Variants in MTHFD1L observed in about 807,000 individuals in gnomAD.
MTHFD1L encodes the protein methylenetetrahydrofolate dehydrogenase (NADP+ dependent) 1 like.
Under a neutral mutation model 119.5 loss-of-function variants are expected in MTHFD1L, and 81 were observed. That is an observed-to-expected ratio of 0.68 (90% CI 0.57 to 0.82). The LOEUF (loss-of-function observed/expected upper bound fraction) is 0.82. Ranked by LOEUF, MTHFD1L falls within the 40% of genes least tolerant of loss-of-function variation. The probability of loss-of-function intolerance (pLI) is 0.00; values close to 1 mark genes in which losing one functional copy is unlikely to be tolerated. For missense variants in MTHFD1L, 1,125 were observed against 1,253.4 expected (o/e 0.90, Z 1.55); for synonymous variants, 430 against 475.2 (o/e 0.90, Z 1.24).
chr6:151,036,986 T>A lies in MTHFD1L; in HGVS notation c.2716T>A (p.Cys906Ser). Residue 906 changes from cysteine (C) to serine (S), a missense_variant, in exon 26 of 28, where the codon TGC becomes AGC. Cys to Ser is a moderately radical substitution (Grantham distance 112). This residue lies in a region of MTHFD1L where 6 missense variants were observed against 23.3 expected (regional missense o/e 0.26). Coordinates refer to ENST00000367321, the MANE Select transcript of MTHFD1L (RefSeq NM_015440.5). ...TQQGFGNLPI[C>S]MAKTHLSLSH... ...ACAGGGTTTTGGAAATTTGCCCATC[T>A]GCATGGCAAAGACCCACCTTTCTCT... The A allele has an allele frequency of 3.7e-6, 6 of 1,612,026 alleles. No individual in the cohort carries two copies. Among genetic ancestry groups the A allele is most frequent in the Non-Finnish European group, 4.2e-6 (5 of 1,179,854 alleles).
chr6:151,013,859 T>G, intron 22 of MTHFD1L, 39 bp downstream of exon 22: 2 of 1,561,026 alleles, frequency 1.3e-6, no homozygotes, highest in Non-Finnish European at 8.8e-7. Flanking sequence ...GAAGAATCTC[T>G]TAAATCCAGT....
intron 26 of MTHFD1L, among the ~76,000 whole-genome samples, chr6:151,038,534 C>A (rs370617702): frequency 6.6e-6 from 1 of 151,980 alleles, no homozygotes; most frequent in Admixed American, 6.6e-5. Flanking sequence ...TGGGGAGCCA[C>A]GGTAGGGTGG....
At chr6:151,051,697 G>A (rs549154855) in intron 26 of MTHFD1L, among the ~76,000 whole-genome samples, 2 of 152,228 alleles carry the variant, frequency 1.3e-5, no homozygotes, top group Non-Finnish European at 2.9e-5. Context: ...TAAACACCTG[G>A]AGAATTAAAG....
intron 27 of MTHFD1L, 75 bp from the exon 28 acceptor site, chr6:151,101,451 A>T (rs1795363101): frequency 6.6e-6 from 1 of 152,484 alleles, no homozygotes; most frequent in Admixed American, 6.6e-5. Flanking sequence ...GAGCTATAAC[A>T]TGTTAACGGT....
At chr6:151,045,251 C>T (rs1787815595) in intron 26 of MTHFD1L, among the ~76,000 whole-genome samples, 2 of 152,090 alleles carry the variant, frequency 1.3e-5, no homozygotes, top group Non-Finnish European at 2.9e-5. Flanking sequence ...AACATTCACC[C>T]CCCCGCCAAG....
rs1478781661 is a variant in MTHFD1L at position 151,014,920 on chromosome 6, A to G, written c.2348A>G (p.Lys783Arg). Residue 783 changes from lysine (K) to arginine (R), a missense_variant, in exon 23 of 28, where the codon AAG becomes AGG. This residue lies in a region of MTHFD1L where 1,058 missense variants were observed against 1,151.2 expected (regional missense o/e 0.92). Transcript: ENST00000367321. ...LVADGCCNLQ[K>R]QIQITQLFGV... Reference sequence around the variant, plus strand: ...GCAGACGGCTGCTGTAACCTCCAGAAGCAAATTCAGATCACTCAGCTCTTT... The same window carrying G: ...GCAGACGGCTGCTGTAACCTCCAGAGGCAAATTCAGATCACTCAGCTCTTT... The G allele has an allele frequency of 1.9e-6, 3 of 1,614,172 alleles. No individual in the cohort carries two copies. The highest frequency in any genetic ancestry group is 2.5e-6 in the Non-Finnish European group (3 of 1,180,022).
intron 1 of MTHFD1L, among the ~76,000 whole-genome samples, chr6:150,874,202 A>G (rs183314023): frequency 2.6e-5 from 4 of 152,328 alleles, no homozygotes; most frequent in Admixed American, 6.5e-5. Context: ...CCATATGGTC[A>G]CATTTATTCA....
chr6:150,893,128 G>A (rs761436919), intron 7 of MTHFD1L, among the ~76,000 whole-genome samples: 15 of 152,100 alleles, frequency 9.9e-5, no homozygotes, highest in Admixed American at 1.3e-4. Context: ...GCAGTGGCGC[G>A]ATCTCGGCTC....
chr6:150,866,228 C>T, intron 1 of MTHFD1L, 179 bp downstream of exon 1: 2 of 1,383,510 alleles, frequency 1.4e-6, no homozygotes, highest in African/African-American at 1.5e-5. Flanking sequence ...CGGCCGGGAG[C>T]GCTGGCGGAG....
intron 12 of MTHFD1L, 95 bp from the exon 13 acceptor site, chr6:150,938,604 C>G: frequency 7.5e-7 from 1 of 1,325,278 alleles, no homozygotes; most frequent in Non-Finnish European, 1.1e-6. Flanking sequence ...TGACGCCTCT[C>G]TGTTGGGTTT....
intron 24 of MTHFD1L, among the ~76,000 whole-genome samples, chr6:151,023,784 A>T (rs780016242): frequency 6.6e-6 from 1 of 152,220 alleles, no homozygotes. Flanking sequence ...ATCTAAAATT[A>T]TGAGAGAAGG....
Position 150,949,282 on chromosome 6 carries a change from T to A in MTHFD1L, c.1726+149T>A, listed in dbSNP as rs945854915. The A allele has an allele frequency of 1.7e-5, 11 of 653,368 alleles. No individual in the cohort carries two copies. The African/African-American group carries it at 1.8e-4, about 11-fold the overall frequency. 40.5% of individuals were successfully genotyped at this position (653,368 alleles called of 1,614,324 possible). ...TATTCCCACCATTTATTTCAGTTAC[T>A]ATTATCGTACCACCCTCCCTTATCC... On this transcript the variant is annotated intron_variant, in intron 16 of 27. Transcript: ENST00000367321.
rs1342492290 is a variant in MTHFD1L, at chr6:150,918,186, C to T, written c.893-391C>T. ...CTTCAAGCGATTCTCCTGCCTCAGC[C>T]TCCCAAGTAGCTGGGACTACGGGTA... On this transcript the variant is annotated intron_variant, in intron 8 of 27. Coordinates refer to ENST00000367321, the MANE Select transcript of MTHFD1L (RefSeq NM_015440.5). Among the ~76,000 whole-genome samples the T allele has an allele frequency of 2.0e-5, 3 of 151,846 alleles. No homozygotes were observed. The East Asian group carries it at 5.8e-4, about 29-fold the overall frequency.
chr6:151,083,447 C>T (rs1428211583), intron 26 of MTHFD1L, among the ~76,000 whole-genome samples: 2 of 152,316 alleles, frequency 1.3e-5, no homozygotes, highest in African/African-American at 2.4e-5. Context: ...CTGCCCACCT[C>T]GGCCTCTCAA....
chr6:150,960,439 T>C, intron 18 of MTHFD1L, 24 bp downstream of exon 18: 1 of 1,588,254 alleles, frequency 6.3e-7, no homozygotes, highest in Non-Finnish European at 8.6e-7. Flanking sequence ...ACTCGGAAGC[T>C]TCAGGGAGTG....
chr6:150,930,241 A>G (rs774068472), intron 11 of MTHFD1L, among the ~76,000 whole-genome samples: 31 of 152,344 alleles, frequency 2.0e-4, no homozygotes, highest in African/African-American at 6.7e-4. Flanking sequence ...TCTTTAAAAA[A>G]TACAAACAAA....
intron 19 of MTHFD1L, among the ~76,000 whole-genome samples, chr6:150,970,457 T>A (rs936915485): frequency 3.3e-5 from 5 of 152,236 alleles, no homozygotes; most frequent in African/African-American, 1.2e-4. Flanking sequence ...TTCAATAAAA[T>A]TTGGAATTCA....
At chr6:150,944,016 C>T (rs931491351) in intron 13 of MTHFD1L, among the ~76,000 whole-genome samples, 9 of 152,116 alleles carry the variant, frequency 5.9e-5, no homozygotes, top group African/African-American at 2.2e-4. Context: ...AATGTTTTGC[C>T]TTAACCTGAG....
chr6:150,887,986 A>C lies in MTHFD1L; in HGVS notation c.780+5A>C, dbSNP rs1394477270. The stretch of plus-strand genomic sequence containing the variant: ...ACACGCCAGCTTCAAAGCAAGGTAA[A>C]TTTCATGTTAGAAACATACATCTTG... On this transcript the variant is annotated splice_donor_5th_base_variant and intron_variant, in intron 7 of 27. Transcript: ENST00000367321. The C allele has an allele frequency of 3.8e-6, 6 of 1,595,484 alleles. No homozygotes were observed. Among genetic ancestry groups the C allele is most frequent in the Admixed American group, 1.8e-5 (1 of 55,454 alleles).
Sources: gnomAD v4.1 joint callset for allele counts (sites outside exome capture counted in the v4.1 genomes callset) on GRCh38, gnomAD v4.1.1 for gene constraint, gnomAD v4.1.1 regional missense constraint, MANE v1.5 for transcripts, NCBI Gene and HGNC (gene_info 2026-07-23, HGNC 2026-07-21) for gene names.